The following PPME1 variants were observed in gnomAD, a reference collection of about 807,000 sequenced individuals.
The protein encoded by PPME1 is protein phosphatase methylesterase 1, also known as testicular secretory protein Li 39.
PPME1 carries 17 observed loss-of-function variants against 56.9 expected under a neutral mutation model. That is an observed-to-expected ratio of 0.30 (90% CI 0.20 to 0.45). PPME1 has a LOEUF of 0.45. Ranked by LOEUF, PPME1 falls within the 20% of genes least tolerant of loss-of-function variation. PPME1 has a pLI of 1.00. For synonymous variants in PPME1, 122 were observed against 156.2 expected, an observed-to-expected ratio of 0.78 and a Z score of 1.63; for missense variants, 357 against 483.2, an observed-to-expected ratio of 0.74 and a Z score of 2.45.
intron 4 of PPME1, among the ~76,000 whole-genome samples, chr11:74,223,092 C>T (rs1169898009): frequency 1.3e-5 from 2 of 151,704 alleles, no homozygotes; most frequent in African/African-American, 4.9e-5. Flanking sequence ...TCCCTCCCCC[C>T]TTCCCCCACC....
chr11:74,183,058 A>G (rs1472909232), intron 1 of PPME1, among the ~76,000 whole-genome samples: 6 of 151,356 alleles, frequency 4.0e-5, no homozygotes, highest in Non-Finnish European at 7.4e-5. Flanking sequence ...GCACTTTTGG[A>G]GTTCGAGGTG....
intron 1 of PPME1, among the ~76,000 whole-genome samples, chr11:74,199,807 C>T (rs1187802778): frequency 6.6e-6 from 1 of 152,192 alleles, no homozygotes; most frequent in African/African-American, 2.4e-5. Flanking sequence ...GCATGTCTTA[C>T]ATGGTGGCAG....
At position 74,225,337 on chromosome 11, in the gene PPME1, A is replaced by T. The variant is rs902128469; in HGVS notation, c.398+81A>T. On this transcript the variant is annotated intron_variant, in intron 5 of 13. Transcript: ENST00000328257. ...GTACTATAACTTTATCACTTTCCTG[A>T]TGAGATTGTTGGGGAATAATTACCA... 4 of 1,055,494 alleles carry T rather than the reference A, an allele frequency of 3.8e-6. No individual in the cohort carries two copies. The African/African-American group carries it at 6.5e-5, about 17-fold the overall frequency. The allele number at this position is 1,055,494 out of a possible 1,614,324, so 65.4% of individuals were successfully genotyped here.
chr11:74,237,275 C>CTTTTTTT (rs763251745), intron 8 of PPME1, among the ~76,000 whole-genome samples: 31 of 128,018 alleles, frequency 2.4e-4, no homozygotes, highest in African/African-American at 8.8e-4. Flanking sequence ...GTCTGGTTGT[C>CTTTTTTT]TTTTTTTTTT....
chr11:74,231,117 G>T, intron 7 of PPME1, 115 bp downstream of exon 7: 1 of 858,840 alleles, frequency 1.2e-6, no homozygotes, highest in Non-Finnish European at 1.8e-6. Flanking sequence ...GAGTGCAGTG[G>T]CATGATCCTA....
At chr11:74,201,250 C>T (rs551040060) in intron 1 of PPME1, among the ~76,000 whole-genome samples, 4 of 152,170 alleles carry the variant, frequency 2.6e-5, no homozygotes, top group East Asian at 1.9e-4. Context: ...GCTGGGATTA[C>T]AGGCGTGAGC....
intron 1 of PPME1, among the ~76,000 whole-genome samples, chr11:74,190,520 G>A (rs1857807694): frequency 6.6e-6 from 1 of 152,168 alleles, no homozygotes; most frequent in African/African-American, 2.4e-5. Flanking sequence ...TTCTTGTACA[G>A]CCTGCAGAAC....
chr11:74,188,573 C>A (rs1857752533), intron 1 of PPME1, among the ~76,000 whole-genome samples: 2 of 152,050 alleles, frequency 1.3e-5, no homozygotes, highest in Non-Finnish European at 2.9e-5. Flanking sequence ...GGGTTTTTTA[C>A]TTTTTTGATT....
chr11:74,215,771 T>C (rs1041460655), intron 3 of PPME1, among the ~76,000 whole-genome samples: 8 of 152,176 alleles, frequency 5.3e-5, no homozygotes, highest in African/African-American at 1.9e-4. Flanking sequence ...ACACTCTTTA[T>C]CTGTAAAGAC....
chr11:74,236,055 T>A, intron 8 of PPME1, 89 bp downstream of exon 8: 1 of 1,528,428 alleles, frequency 6.5e-7, no homozygotes, highest in Non-Finnish European at 8.8e-7. Context: ...ACACCAATTC[T>A]ACCATTCCGG....
At chr11:74,214,500 C>G (rs954148544) in intron 3 of PPME1, among the ~76,000 whole-genome samples, 1 of 151,826 alleles carries the variant, frequency 6.6e-6, no homozygotes, top group Non-Finnish European at 1.5e-5. Flanking sequence ...AGATTTAACC[C>G]AAATAAGACT....
At chr11:74,224,773 G>C (rs1244649569) in intron 4 of PPME1, among the ~76,000 whole-genome samples, 8 of 149,044 alleles carry the variant, frequency 5.4e-5, no homozygotes, top group African/African-American at 2.0e-4. Flanking sequence ...AAGAATGCTT[G>C]TGATTTTTGT....
intron 1 of PPME1, among the ~76,000 whole-genome samples, chr11:74,182,348 AT>A (rs1034470183): frequency 3.3e-5 from 5 of 151,824 alleles, no homozygotes; most frequent in African/African-American, 1.2e-4. Context: ...TCTTTTTTAC[AT>A]TTAAATTGAT....
chr11:74,177,773 T>C (rs1857437341), intron 1 of PPME1, among the ~76,000 whole-genome samples: 1 of 152,230 alleles, frequency 6.6e-6, no homozygotes. Flanking sequence ...GTTTTTATGA[T>C]GTTGAATGTT....
intron 1 of PPME1, among the ~76,000 whole-genome samples, chr11:74,196,053 A>T: frequency 6.6e-6 from 1 of 152,194 alleles, no homozygotes; most frequent in Admixed American, 6.5e-5. Flanking sequence ...ACTAATAATC[A>T]CTTTGCAAAG....
At chr11:74,194,836 A>T (rs1449263015) in intron 1 of PPME1, among the ~76,000 whole-genome samples, 1 of 152,190 alleles carries the variant, frequency 6.6e-6, no homozygotes, top group Non-Finnish European at 1.5e-5. Context: ...GATGTGTTTC[A>T]TCAAAATAAG....
chr11:74,252,936 A>G (rs957005256), intron 13 of PPME1, among the ~76,000 whole-genome samples: 7 of 152,262 alleles, frequency 4.6e-5, no homozygotes, highest in African/African-American at 1.7e-4. Flanking sequence ...AAGGCCTTTG[A>G]TCCTCAGAGA....
chr11:74,245,435 T>A (rs1163379498), intron 9 of PPME1, among the ~76,000 whole-genome samples: 1 of 152,184 alleles, frequency 6.6e-6, no homozygotes, highest in Admixed American at 6.5e-5. Flanking sequence ...ATTTATTTTT[T>A]CAGCCAATAT....
At position 74,230,398 on chromosome 11, in the gene PPME1, A is replaced by G. The variant is rs767852974; in HGVS notation, c.552A>G (p.Glu184=). The G allele has an allele frequency of 6.2e-7, 1 of 1,613,686 alleles. No homozygotes were observed. The highest frequency in any genetic ancestry group is 8.5e-7 in the Non-Finnish European group (1 of 1,179,740). ...LLGLCMIDVV[E]GTAMDALNSM... ...GTCTGTGCATGATTGATGTTGTAGA[A>G]GGTGAGTTTTCTTAGCACTGACCAA... Residue 184 remains glutamate, a splice_region_variant and synonymous_variant, in exon 6 of 14, where the codon GAA becomes GAG. Coordinates refer to ENST00000328257, the MANE Select transcript of PPME1 (RefSeq NM_016147.3). This position sits in a 1 kb window ranked among gnomAD's most constrained non-coding sequence, Gnocchi z 4.9.
Sources: gnomAD v4.1 joint callset for allele counts (sites outside exome capture counted in the v4.1 genomes callset) on GRCh38, gnomAD v4.1.1 for gene constraint, Gnocchi (gnomAD v3.1) non-coding constraint, MANE v1.5 for transcripts, NCBI Gene and HGNC (gene_info 2026-07-23, HGNC 2026-07-21) for gene names.